Variants in CMYA5 observed in about 807,000 individuals in gnomAD.
The protein encoded by CMYA5 is cardiomyopathy-associated protein 5.
In CMYA5, 246 loss-of-function variants were observed where a neutral mutation model predicts 318.9. That is an observed-to-expected ratio of 0.77 (90% CI 0.70 to 0.86). The LOEUF is 0.86. Among genes scored for constraint, CMYA5 ranks in the 40% least tolerant of loss-of-function variants. The pLI, the probability that CMYA5 is intolerant of heterozygous loss-of-function variation, is 0.00. For missense variants in CMYA5, 4,589 were observed against 4,678.2 expected, an observed-to-expected ratio of 0.98 and a Z score of 0.56; for synonymous variants, 1,641 against 1,729.5, an observed-to-expected ratio of 0.95 and a Z score of 1.27.
chr5:79,767,972 T>G, intron 9 of CMYA5, among the ~76,000 whole-genome samples: 1 of 152,214 alleles, frequency 6.6e-6, no homozygotes, highest in South Asian at 2.1e-4. Context: ...GCTTTATGAA[T>G]CTGGATGCTC....
intron 2 of CMYA5, among the ~76,000 whole-genome samples, chr5:79,742,857 C>T (rs559552072): frequency 3.2e-4 from 49 of 151,874 alleles, no homozygotes; most frequent in African/African-American, 1.2e-3. Flanking sequence ...GGGAGTGAAA[C>T]GGTGGGGTAG....
At chr5:79,766,510 A>C (rs1263722199) in intron 9 of CMYA5, among the ~76,000 whole-genome samples, 1 of 152,210 alleles carries the variant, frequency 6.6e-6, no homozygotes, top group Admixed American at 6.5e-5. Flanking sequence ...AGTTTTTAGC[A>C]TGAAGGGGTG....
At chr5:79,753,029 G>A (rs1357369776) in intron 6 of CMYA5, among the ~76,000 whole-genome samples, 1 of 151,938 alleles carries the variant, frequency 6.6e-6, no homozygotes, top group African/African-American at 2.4e-5. Context: ...TGAGGAGGTG[G>A]AAGGAGCCAT....
intron 4 of CMYA5, among the ~76,000 whole-genome samples, chr5:79,746,547 T>TAAAA (rs11423461): frequency 7.4e-4 from 51 of 68,888 alleles, no homozygotes; most frequent in African/African-American, 1.3e-3. Context: ...GAGCAAACTG[T>TAAAA]AAAAAAAAAA....
intron 1 of CMYA5, among the ~76,000 whole-genome samples, chr5:79,693,100 C>A (rs779291139): frequency 3.9e-5 from 6 of 152,078 alleles, no homozygotes; most frequent in Non-Finnish European, 5.9e-5. Flanking sequence ...GTTGGAGAAG[C>A]CTTCATCATT....
Position 79,758,770 on chromosome 5 carries a change from T to C in CMYA5, c.11128T>C (p.Leu3710=). ...KQVAVPQPPR[L]EPQEPNSATS... is the part of the protein sequence containing the mutation. ...TATTCCAGTTCCACAGCCTCCTAGATTAGAACCTCAGGAACCAAATTCTGC... is the reference window on the plus strand; with the variant it reads ...TATTCCAGTTCCACAGCCTCCTAGACTAGAACCTCAGGAACCAAATTCTGC... The change falls in exon 7 of 13, where the codon TTA becomes CTA. Residue 3710 remains leucine (L), a synonymous_variant. Coordinates refer to ENST00000446378, the MANE Select transcript of CMYA5 (RefSeq NM_153610.5). The C allele has an allele frequency of 1.2e-6, 2 of 1,606,438 alleles. No homozygotes were observed. The highest frequency in any genetic ancestry group is 3.4e-5 in the Admixed American group (2 of 58,730).
chr5:79,715,512 C>T (rs1827498074), intron 1 of CMYA5, among the ~76,000 whole-genome samples: 1 of 152,118 alleles, frequency 6.6e-6, no homozygotes, highest in African/African-American at 2.4e-5. Context: ...TGGTCTCGAT[C>T]TCCTGACCTC....
intron 5 of CMYA5, among the ~76,000 whole-genome samples, chr5:79,752,427 T>G (rs897676097): frequency 1.3e-5 from 2 of 152,236 alleles, no homozygotes; most frequent in African/African-American, 4.8e-5. Flanking sequence ...AAGACTGTAT[T>G]GCTTGATAGA....
At chr5:79,758,974 A>G (rs1221220537) in intron 7 of CMYA5, 72 bp downstream of exon 7, 1 of 1,250,526 alleles carries the variant, frequency 8.0e-7, no homozygotes, top group Non-Finnish European at 1.1e-6. Flanking sequence ...TTAAATATAC[A>G]CCTGTATTAT....
chr5:79,793,516 T>C lies in CMYA5; in HGVS notation c.11869T>C (p.Tyr3957His), dbSNP rs117835440. ...WETTVTDCPA[Y>H]RLGICSSSAV... ...AACCACAGTCACAGACTGCCCAGCA[T>C]ATCGACTCGGCATCTGCTCCAGCTC... The change falls in exon 12 of 13, where the codon TAT (tyrosine) becomes CAT (histidine). Residue 3957 changes from tyrosine (Y) to histidine (H), a missense_variant. By Grantham distance (83) the Tyr-to-His change is moderately conservative (BLOSUM62 2). Around this residue, in one of 3 missense-constraint regions of CMYA5, gnomAD observed 2,431 missense variants for 2,495.1 expected, o/e 0.97. Coordinates refer to ENST00000446378, the MANE Select transcript of CMYA5 (RefSeq NM_153610.5). 1.5e-4 allele frequency: 246 copies of C among 1,613,912 alleles called. 1 individual carries two copies. The East Asian group carries it at 4.6e-3, about 30-fold the overall frequency.
At chr5:79,715,221 A>G (rs1326757420) in intron 1 of CMYA5, among the ~76,000 whole-genome samples, 1 of 152,134 alleles carries the variant, frequency 6.6e-6, no homozygotes. Flanking sequence ...AAAGGCAATA[A>G]TATATGTGCA....
At position 79,800,145 on chromosome 5, in the gene CMYA5, C is replaced by T. The variant is rs529484948; in HGVS notation, c.*529C>T. On this transcript the variant is annotated 3_prime_UTR_variant, in exon 13 of 13. Transcript: ENST00000446378. ...ATACTGTAGAACATGAGTCTCTCCT[C>T]CCTAAAATTTTAAATGTAGAAAAGT... 2.0e-5 allele frequency: 3 copies of T among 152,832 alleles called. No individual in the cohort carries two copies. The highest frequency in any genetic ancestry group is 4.2e-4 in the South Asian group (2 of 4,812). The allele number at this position is 152,832 out of a possible 1,614,324, so 9.5% of individuals were successfully genotyped here. A position where few individuals can be genotyped will look rare whatever the true frequency, so the allele number is the denominator to read the frequency against.
chr5:79,735,843 T>G lies in CMYA5; in HGVS notation c.7078T>G (p.Ser2360Ala), dbSNP rs779212164. ...AIAPPSKWNISIFKEEPRSDQ... is the reference protein window; with the variant it reads ...AIAPPSKWNIAIFKEEPRSDQ... ...CGCTCCTCCATCTAAATGGAATATTTCTATTTTTAAGGAAGAGCCAAGAAG... is the reference window on the plus strand; with the variant it reads ...CGCTCCTCCATCTAAATGGAATATTGCTATTTTTAAGGAAGAGCCAAGAAG... The change falls in exon 2 of 13, where the codon TCT (serine) becomes GCT (alanine). Residue 2360 changes from serine (S) to alanine (A), a missense_variant. Coordinates refer to ENST00000446378, the MANE Select transcript of CMYA5 (RefSeq NM_153610.5). 5 of 1,556,234 alleles carry G rather than the reference T, an allele frequency of 3.2e-6. No individual in the cohort carries two copies. In the South Asian group the frequency reaches 6.3e-5, roughly 20 times the overall value.
intron 10 of CMYA5, among the ~76,000 whole-genome samples, chr5:79,789,410 T>C (rs540334962): frequency 6.9e-6 from 1 of 144,984 alleles, no homozygotes; most frequent in Non-Finnish European, 1.5e-5. Context: ...ATTTATGTTT[T>C]TAGAAATCTC....
At chr5:79,693,312 G>A (rs1827004680) in intron 1 of CMYA5, among the ~76,000 whole-genome samples, 1 of 151,478 alleles carries the variant, frequency 6.6e-6, no homozygotes, top group South Asian at 2.1e-4. Context: ...AAACTGTCAG[G>A]AGTCGTTTGT....
At chr5:79,692,284 G>C (rs767241198) in intron 1 of CMYA5, among the ~76,000 whole-genome samples, 1 of 152,036 alleles carries the variant, frequency 6.6e-6, no homozygotes, top group Non-Finnish European at 1.5e-5. Context: ...CAGATGGTCG[G>C]GGGCTTAGAA....
intron 11 of CMYA5, among the ~76,000 whole-genome samples, chr5:79,791,889 C>G: frequency 6.6e-6 from 1 of 152,120 alleles, no homozygotes; most frequent in East Asian, 1.9e-4. Flanking sequence ...CCTGCAAGCT[C>G]TGGGGGTTAT....
chr5:79,746,613 T>C (rs1358892128), intron 4 of CMYA5, among the ~76,000 whole-genome samples: 1 of 148,164 alleles, frequency 6.7e-6, no homozygotes, highest in African/African-American at 2.5e-5. Context: ...TTTTTTAAAA[T>C]TGGAAAATAT....
rs749728973 is a variant in CMYA5, at chr5:79,689,867, G to GCGGCTC, written c.-30_-25dup. ...AGGGAGAACACCAGGCGCGGCGCGG[G>GCGGCTC]CGGCTCCGGCTCCGGCCCCGGCCCA... On this transcript the variant is annotated 5_prime_UTR_variant, in exon 1 of 13. Coordinates refer to ENST00000446378, the MANE Select transcript of CMYA5 (RefSeq NM_153610.5). 53 of 661,680 alleles carry GCGGCTC rather than the reference G, an allele frequency of 8.0e-5. No homozygotes were observed. Among genetic ancestry groups the GCGGCTC allele is most frequent in the East Asian group, 3.0e-4 (10 of 32,848 alleles). The allele number at this position is 661,680 out of a possible 1,614,324, so 41.0% of individuals were successfully genotyped here.
Sources: allele counts gnomAD v4.1 joint callset (sites outside exome capture counted in the v4.1 genomes callset), GRCh38; gene constraint gnomAD v4.1.1; regional missense constraint gnomAD v4.1.1; transcripts MANE v1.5; gene names NCBI Gene and HGNC (gene_info 2026-07-23, HGNC 2026-07-21).